TMEM181: variants seen among roughly 807,000 people sequenced by gnomAD.
The protein encoded by TMEM181 is transmembrane protein 181, also known as G protein-coupled receptor 178.
Under a neutral mutation model 71.9 loss-of-function variants are expected in TMEM181, and 39 were observed. That is an observed-to-expected ratio of 0.54 (90% CI 0.42 to 0.71). TMEM181 has a LOEUF of 0.71. TMEM181 is among the 30% of genes least tolerant of loss of function. The pLI is 0.00. For synonymous variants in TMEM181, 245 were observed against 228.8 expected (o/e 1.07, Z -0.64); for missense variants, 595 against 583.0 (o/e 1.02, Z -0.21).
intron 11 of TMEM181, among the ~76,000 whole-genome samples, chr6:158,624,028 C>G (rs1162803657): frequency 6.6e-6 from 1 of 152,224 alleles, no homozygotes; most frequent in Non-Finnish European, 1.5e-5. Flanking sequence ...TCCCAAAGTG[C>G]TGGGATTACA....
intron 6 of TMEM181, among the ~76,000 whole-genome samples, chr6:158,598,395 T>A (rs763898306): frequency 8.5e-5 from 13 of 152,252 alleles, no homozygotes; most frequent in Admixed American, 1.3e-4. Context: ...GGGAGTGAGA[T>A]GAAAACAGCA....
chr6:158,580,205 C>T (rs936036588), intron 2 of TMEM181, among the ~76,000 whole-genome samples: 16 of 152,204 alleles, frequency 1.1e-4, no homozygotes, highest in Non-Finnish European at 2.2e-4. Flanking sequence ...TGGCGCATGC[C>T]TGTAATCCCA....
chr6:158,577,061 CAAAAAA>C (rs5881280), intron 2 of TMEM181, among the ~76,000 whole-genome samples: 2 of 76,060 alleles, frequency 2.6e-5, no homozygotes, highest in Non-Finnish European at 5.3e-5. Flanking sequence ...GACTCCATCT[CAAAAAA>C]AAAAAAAAAA....
At chr6:158,598,376 C>T (rs1289607848) in intron 6 of TMEM181, among the ~76,000 whole-genome samples, 2 of 152,188 alleles carry the variant, frequency 1.3e-5, no homozygotes, top group Non-Finnish European at 1.5e-5. Flanking sequence ...AAGCCATGAC[C>T]TTTGACTGGG....
rs1000806537 is a variant in TMEM181 at position 158,634,949 on chromosome 6, T to G, written c.*3061T>G. On this transcript the variant is annotated 3_prime_UTR_variant, in exon 17 of 17. Transcript: ENST00000684151. ...GATGTGTCTGAACATTTAGTGAAGA[T>G]GAGACTTAAAACATGAAAGTGTATT... 2.0e-5 allele frequency: 3 copies of G among 151,964 alleles called. No individual in the cohort carries two copies. The highest frequency in any genetic ancestry group is 2.9e-5 in the Non-Finnish European group (2 of 67,992). 9.4% of individuals were successfully genotyped at this position (151,964 alleles called of 1,614,324 possible).
upstream of TMEM181, among the ~76,000 whole-genome samples, chr6:158,558,711 A>G (rs1781995735): frequency 6.6e-6 from 1 of 152,212 alleles, no homozygotes; most frequent in South Asian, 2.1e-4. Flanking sequence ...TCCTTATGTA[A>G]GGACTCAAGT....
intron 1 of TMEM181, among the ~76,000 whole-genome samples, chr6:158,549,809 A>AT (rs1407306412): frequency 6.6e-6 from 1 of 152,134 alleles, no homozygotes; most frequent in Non-Finnish European, 1.5e-5. Flanking sequence ...TTGCAGGAGT[A>AT]TTTTTTGTAT....
At chr6:158,604,388 A>C (rs1209715649) in intron 6 of TMEM181, among the ~76,000 whole-genome samples, 1 of 152,144 alleles carries the variant, frequency 6.6e-6, no homozygotes, top group Non-Finnish European at 1.5e-5. Flanking sequence ...CTCTATTTGT[A>C]CTGAAGTGGA....
chr6:158,582,587 C>G (rs548045057), intron 3 of TMEM181, among the ~76,000 whole-genome samples: 1 of 152,040 alleles, frequency 6.6e-6, no homozygotes, highest in Admixed American at 6.6e-5. Context: ...ATCTCTTGAT[C>G]CTGAGAGGTT....
At chr6:158,587,680 G>T (rs942774157) in intron 5 of TMEM181, among the ~76,000 whole-genome samples, 2 of 151,250 alleles carry the variant, frequency 1.3e-5, no homozygotes, top group Non-Finnish European at 2.9e-5. Flanking sequence ...TCTGACTTAG[G>T]TAGCAAGGCT....
chr6:158,625,073 C>T, intron 11 of TMEM181, 31 bp from the exon 12 acceptor site: 1 of 1,559,610 alleles, frequency 6.4e-7, no homozygotes, highest in Non-Finnish European at 8.8e-7. Context: ...AGGCCCTGTT[C>T]CGACTCAAGT....
chr6:158,587,648 C>G (rs1305065520), intron 5 of TMEM181, among the ~76,000 whole-genome samples: 5 of 117,072 alleles, frequency 4.3e-5, no homozygotes, highest in African/African-American at 1.6e-4. Flanking sequence ...TTTTTTTTTT[C>G]TACTGTAAAG....
At position 158,631,343 on chromosome 6, in the gene TMEM181, C is replaced by T; in HGVS notation, c.1303C>T (p.Pro435Ser). The T allele has an allele frequency of 6.2e-7, 1 of 1,614,222 alleles. No homozygotes were observed. Among genetic ancestry groups the T allele is most frequent in the Non-Finnish European group, 8.5e-7 (1 of 1,180,042 alleles). ...ALYESQLKDNPAFSMLNDSDD... is the reference protein window; with the variant it reads ...ALYESQLKDNSAFSMLNDSDD... ...TTCAGAGTCCCAGCTGAAAGACAATCCTGCCTTCTCCATGCTGAATGACTC... is the reference window on the plus strand; with the variant it reads ...TTCAGAGTCCCAGCTGAAAGACAATTCTGCCTTCTCCATGCTGAATGACTC... Residue 435 changes from proline to serine, a missense_variant, in exon 16 of 17, where the codon CCT becomes TCT. Pro to Ser is a moderately conservative substitution (Grantham distance 74). Transcript: ENST00000684151.
chr6:158,570,128 TC>T (rs530013797), intron 1 of TMEM181, among the ~76,000 whole-genome samples: 105 of 151,622 alleles, frequency 6.9e-4, no homozygotes, highest in African/African-American at 2.5e-3. Context: ...GGACGGGACC[TC>T]CGAGAACGTT....
chr6:158,543,302 G>A (rs570082433), intron 1 of TMEM181, among the ~76,000 whole-genome samples: 2 of 152,346 alleles, frequency 1.3e-5, no homozygotes, highest in South Asian at 2.1e-4. Flanking sequence ...CCGGCTGGAA[G>A]GATGACGCAG....
At chr6:158,572,568 G>C (rs1052860472) in intron 1 of TMEM181, 1 of 438,474 alleles carries the variant, frequency 2.3e-6, no homozygotes, top group Non-Finnish European at 4.6e-6. Flanking sequence ...GTCCTGTGCT[G>C]CTCAGAGAAG....
chr6:158,560,043 G>T, upstream of TMEM181: 1 of 985,156 alleles, frequency 1.0e-6, no homozygotes, highest in Non-Finnish European at 1.2e-6. Flanking sequence ...GCCCTCTTCC[G>T]CCGTGAGAGT....
intron 1 of TMEM181, among the ~76,000 whole-genome samples, chr6:158,573,108 TG>T (rs993393170): frequency 1.2e-3 from 181 of 152,100 alleles, no homozygotes; most frequent in African/African-American, 4.2e-3. Flanking sequence ...CAGTGACCCC[TG>T]GGGGGCCTAG....
At chr6:158,607,513 A>C (rs1213254843) in intron 8 of TMEM181, among the ~76,000 whole-genome samples, 170 bp downstream of exon 8, 2 of 152,122 alleles carry the variant, frequency 1.3e-5, no homozygotes, top group Non-Finnish European at 2.9e-5. Flanking sequence ...CTCTACAAAA[A>C]ATAAAATTTA....
Sources: allele counts gnomAD v4.1 joint callset (sites outside exome capture counted in the v4.1 genomes callset), GRCh38; gene constraint gnomAD v4.1.1; transcripts MANE v1.5; gene names NCBI Gene and HGNC (gene_info 2026-07-23, HGNC 2026-07-21).